TMEM164: variants seen among roughly 807,000 people sequenced by gnomAD.
TMEM164 encodes the protein RP13-360B22.2.
TMEM164 carries 4 observed loss-of-function variants against 18.8 expected under a neutral mutation model. The observed-to-expected ratio is 0.21, with a 90% CI of 0.10 to 0.49. The LOEUF is 0.49. TMEM164 is among the 20% of genes least tolerant of loss of function. The probability of loss-of-function intolerance (pLI) is 0.98; values close to 1 mark genes in which losing one functional copy is unlikely to be tolerated. For synonymous variants in TMEM164, 86 were observed against 101.7 expected, an observed-to-expected ratio of 0.85 and a Z score of 0.93; for missense variants, 108 against 239.9, an observed-to-expected ratio of 0.45 and a Z score of 3.63.
At chrX:110,002,858 G>GGGGGCCGGCTTTAGTCCA (rs1363444379), upstream of TMEM164, 2 of 111,268 alleles carry the variant, frequency 1.8e-5, no homozygotes, top group South Asian at 3.7e-4. Context: ...GAGGAGGGAG[G>GGGGGCCGGCTTTAGTCCA]GGGGCCGGCT....
At chrX:110,180,230 T>G (rs971093450), downstream of TMEM164, among the ~76,000 whole-genome samples, 9 of 112,283 alleles carry the variant, frequency 8.0e-5, no homozygotes, top group Non-Finnish European at 1.5e-4. Flanking sequence ...GGTGTCTGCA[T>G]GGCAAAAGCC....
intron 2 of TMEM164, chrX:110,020,754 G>T: frequency 1.5e-6 from 1 of 680,029 alleles, no homozygotes; most frequent in African/African-American, 2.4e-5. Flanking sequence ...AATGTGTGAA[G>T]AGTTGCATGC....
chrX:110,124,764 T>C (rs916346725), intron 4 of TMEM164, among the ~76,000 whole-genome samples: 1 of 111,894 alleles, frequency 8.9e-6, no homozygotes, highest in Non-Finnish European at 1.9e-5. Flanking sequence ...GTTTCAATGA[T>C]TGTCACCACA....
intron 3 of TMEM164, among the ~76,000 whole-genome samples, chrX:110,085,222 A>C (rs1423995922): frequency 9.6e-6 from 1 of 104,436 alleles, no homozygotes. Context: ...GTGCAGTGGC[A>C]TGTTCATAGC....
At chrX:110,153,823 G>A (rs192946741) in intron 5 of TMEM164, among the ~76,000 whole-genome samples, 31 of 110,967 alleles carry the variant, frequency 2.8e-4, no homozygotes, top group African/African-American at 8.5e-4. Context: ...TATTTTATGC[G>A]TGGCCCAAGA....
In TMEM164 at chrX:110,177,214, A is replaced by G. The variant is rs954075612; in HGVS notation, c.*3763A>G. 3 of 113,192 alleles carry G rather than the reference A, an allele frequency of 2.7e-5. No homozygotes were observed. The highest frequency in any genetic ancestry group is 9.6e-5 in the African/African-American group (3 of 31,160). 9.3% of individuals were successfully genotyped at this position (113,192 alleles called of 1,213,427 possible). ...ATTTCAAACAAAGCTGTTGTTTTGA[A>G]AACTCTTGCTTTCTTTTGGTGTCCA... On this transcript the variant is annotated 3_prime_UTR_variant, in exon 7 of 7. Coordinates refer to ENST00000372068, the MANE Select transcript of TMEM164 (RefSeq NM_032227.4).
chrX:110,031,005 A>G (rs1934477954), intron 2 of TMEM164, among the ~76,000 whole-genome samples: 1 of 110,702 alleles, frequency 9.0e-6, no homozygotes, highest in African/African-American at 3.3e-5. Context: ...TGCTGCACCC[A>G]TCAACCCTTT....
downstream of TMEM164, among the ~76,000 whole-genome samples, chrX:110,181,975 G>A (rs183689237): frequency 4.5e-5 from 5 of 112,113 alleles, no homozygotes; most frequent in East Asian, 1.4e-3. Context: ...GTGGGTGTTT[G>A]TGTGTAGGAC....
chrX:110,019,844 G>A (rs1360203832), intron 2 of TMEM164, among the ~76,000 whole-genome samples: 1 of 111,888 alleles, frequency 8.9e-6, no homozygotes, highest in Non-Finnish European at 1.9e-5. Flanking sequence ...GGTATCTTCT[G>A]TGATTTTGGT....
chrX:110,107,135 G>A (rs1412367013), intron 3 of TMEM164, among the ~76,000 whole-genome samples: 2 of 112,205 alleles, frequency 1.8e-5, no homozygotes, highest in Non-Finnish European at 3.8e-5. Context: ...CTAAAAGGAG[G>A]GAAAGAGGAA....
chrX:110,011,829 C>T (rs1933022355), intron 2 of TMEM164, among the ~76,000 whole-genome samples: 1 of 111,896 alleles, frequency 8.9e-6, no homozygotes, highest in African/African-American at 3.3e-5. Context: ...ACCATAAGTT[C>T]GCAGAGTTGC....
chrX:110,094,266 C>G (rs1005049413), intron 3 of TMEM164, among the ~76,000 whole-genome samples: 4 of 111,562 alleles, frequency 3.6e-5, no homozygotes, highest in Non-Finnish European at 7.5e-5. Context: ...ATTGATCTGT[C>G]TAATGTTGAC....
chrX:110,110,132 GC>G (rs1356790682), intron 4 of TMEM164, among the ~76,000 whole-genome samples: 3 of 111,000 alleles, frequency 2.7e-5, no homozygotes. Flanking sequence ...ATTCCAAGTG[GC>G]AGTTAGGATT....
intron 6 of TMEM164, among the ~76,000 whole-genome samples, chrX:110,172,799 T>C (rs375674246): frequency 8.9e-6 from 1 of 112,165 alleles, no homozygotes; most frequent in East Asian, 2.8e-4. Flanking sequence ...TCAGACCTCC[T>C]CATAGTGTAT....
At chrX:110,076,347 T>C (rs1283255747) in intron 3 of TMEM164, among the ~76,000 whole-genome samples, 1 of 111,017 alleles carries the variant, frequency 9.0e-6, no homozygotes, top group Non-Finnish European at 1.9e-5. Flanking sequence ...CTGATTGTGG[T>C]TATTTGGGTC....
chrX:110,021,751 GCTAATCGCCTTCT>G (rs1933879126), intron 2 of TMEM164, among the ~76,000 whole-genome samples: 1 of 112,315 alleles, frequency 8.9e-6, no homozygotes, highest in East Asian at 2.8e-4. Context: ...GGCTGGACTA[GCTAATCGCCTTCT>G]CTAACGGTAG....
intron 3 of TMEM164, among the ~76,000 whole-genome samples, chrX:110,070,114 G>A (rs1377175953): frequency 9.0e-6 from 1 of 111,120 alleles, no homozygotes; most frequent in Non-Finnish European, 1.9e-5. Flanking sequence ...TCAGGAGTTC[G>A]AGACTAGCCT....
In TMEM164 at chrX:110,149,975, G is replaced by C. The variant is rs756196409; in HGVS notation, c.586+5099G>C. 8.1e-5 allele frequency among the ~76,000 whole-genome samples: 9 copies of C among 111,771 alleles called. No homozygotes were observed. The Admixed American group carries it at 8.6e-4, about 11-fold the overall frequency. ...CAGGATCCAGACTGACCACTGGGGT[G>C]CCCTGATAAGCAAAAATCAGACACC... On this transcript the variant is annotated intron_variant, in intron 5 of 6. Coordinates refer to ENST00000372068, the MANE Select transcript of TMEM164 (RefSeq NM_032227.4).
At chrX:110,108,125 T>TGTGTGA (rs1444288844) in intron 3 of TMEM164, among the ~76,000 whole-genome samples, 31 of 102,823 alleles carry the variant, frequency 3.0e-4, no homozygotes, top group Middle Eastern at 4.9e-3. Context: ...TGTGTGTGTG[T>TGTGTGA]GATTGAGATT....
Sources: gnomAD v4.1 joint callset for allele counts (sites outside exome capture counted in the v4.1 genomes callset) on GRCh38, gnomAD v4.1.1 for gene constraint, MANE v1.5 for transcripts, NCBI Gene and HGNC (gene_info 2026-07-23, HGNC 2026-07-21) for gene names.